Variants in KIF1B observed in about 807,000 individuals in gnomAD.
KIF1B encodes kinesin family member 1B.
In KIF1B, 76 loss-of-function variants were observed where a neutral mutation model predicts 241.9. The ratio of observed to expected loss-of-function variants is 0.31; its 90% CI spans 0.26 to 0.38. The LOEUF (loss-of-function observed/expected upper bound fraction) is 0.38. KIF1B is among the 10% of genes least tolerant of loss of function. KIF1B has a pLI of 1.00. For synonymous variants in KIF1B, 750 were observed against 796.7 expected (o/e 0.94, Z 0.99); for missense variants, 1,622 against 2,271.4 (o/e 0.71, Z 5.81).
At chr1:10,246,313 T>A (rs1647211079) in intron 2 of KIF1B, among the ~76,000 whole-genome samples, 1 of 152,204 alleles carries the variant, frequency 6.6e-6, no homozygotes, top group Admixed American at 6.5e-5. Context: ...TCAGTAAGTC[T>A]TGCCATCTTT....
chr1:10,240,308 A>T (rs947728653), intron 2 of KIF1B, among the ~76,000 whole-genome samples: 1 of 151,684 alleles, frequency 6.6e-6, no homozygotes, highest in South Asian at 2.1e-4. Flanking sequence ...TCCCAGGTTC[A>T]AGTGATTCTC....
At position 10,326,270 on chromosome 1, in the gene KIF1B, T is replaced by C. The variant is rs1460355481; in HGVS notation, c.2835T>C (p.Ser945=). The change falls in exon 27 of 49, where the codon TCT becomes TCC. Residue 945 remains serine, a synonymous_variant. Transcript: ENST00000676179. This position sits in a 1 kb window ranked among gnomAD's most constrained non-coding sequence, Gnocchi z 5.2. ...DDEAFVDDAG[S]DAGTEEGSDL... ...AGGCATTCGTGGATGACGCCGGCTC[T>C]GACGCAGGGACGGAGGAGGGATCAG... 1 of 1,614,092 alleles carries C rather than the reference T, an allele frequency of 6.2e-7. No individual in the cohort carries two copies. The highest frequency in any genetic ancestry group is 1.3e-5 in the African/African-American group (1 of 74,928).
chr1:10,222,703 T>C (rs1646860487), intron 1 of KIF1B, among the ~76,000 whole-genome samples: 1 of 152,196 alleles, frequency 6.6e-6, no homozygotes, highest in African/African-American at 2.4e-5. Context: ...TTCAAATGAA[T>C]TAGACCTAAA....
Position 10,365,327 on chromosome 1 carries a change from T to G in KIF1B, c.4512+82T>G. The G allele has an allele frequency of 6.2e-7, 1 of 1,613,766 alleles. No homozygotes were observed. Among genetic ancestry groups the G allele is most frequent in the Non-Finnish European group, 8.5e-7 (1 of 1,179,732 alleles). On this transcript the variant is annotated intron_variant, in intron 42 of 48. Coordinates refer to ENST00000676179, the MANE Select transcript of KIF1B (RefSeq NM_001365951.3). This position sits in a 1 kb window ranked among gnomAD's most constrained non-coding sequence, Gnocchi z 4.0. ...ATCAGTCTTCCTCCCCGCTGCTGCA[T>G]GTGATCATAGCTTTTCACTTTTCTC...
chr1:10,373,558 G>A (rs981858952), intron 45 of KIF1B, among the ~76,000 whole-genome samples: 8 of 148,734 alleles, frequency 5.4e-5, no homozygotes, highest in African/African-American at 1.8e-4. Context: ...AAAAAAAAAA[G>A]AATGAAGTAT....
At chr1:10,313,368 A>G (rs1651150210) in intron 22 of KIF1B, among the ~76,000 whole-genome samples, 1 of 150,864 alleles carries the variant, frequency 6.6e-6, no homozygotes, top group African/African-American at 2.5e-5. Context: ...CGCCTAGCCT[A>G]GTACCATCTT....
At chr1:10,301,276 G>A (rs541921809) in intron 22 of KIF1B, among the ~76,000 whole-genome samples, 15 of 152,150 alleles carry the variant, frequency 9.9e-5, no homozygotes, top group Non-Finnish European at 1.8e-4. Flanking sequence ...ATAAAAGATT[G>A]ACTGTTAGTA....
chr1:10,370,795 T>C (rs1189921746), intron 44 of KIF1B, among the ~76,000 whole-genome samples: 1 of 151,976 alleles, frequency 6.6e-6, no homozygotes, highest in East Asian at 1.9e-4. Context: ...TTGTTTTTTT[T>C]CTTTTTTGAA....
intron 2 of KIF1B, among the ~76,000 whole-genome samples, chr1:10,247,542 T>A (rs1049183967): frequency 6.6e-6 from 1 of 152,226 alleles, no homozygotes; most frequent in Non-Finnish European, 1.5e-5. Flanking sequence ...ATGGTAGACA[T>A]GCAAGTATTT....
intron 22 of KIF1B, among the ~76,000 whole-genome samples, chr1:10,300,944 A>G (rs145038816): frequency 0.019 from 2,851 of 152,330 alleles, 40 homozygotes; most frequent in Non-Finnish European, 0.028. Flanking sequence ...TAGAAATAAT[A>G]CAAATCAGTG....
chr1:10,356,133 C>T (rs901539943), intron 38 of KIF1B, among the ~76,000 whole-genome samples: 1 of 152,012 alleles, frequency 6.6e-6, no homozygotes, highest in Non-Finnish European at 1.5e-5. Flanking sequence ...TTTGGGAGGC[C>T]AAGGCGGGTG....
chr1:10,224,202 C>T (rs545681959), intron 1 of KIF1B, among the ~76,000 whole-genome samples: 6 of 151,908 alleles, frequency 3.9e-5, no homozygotes, highest in South Asian at 4.2e-4. Flanking sequence ...CTGCAACCTC[C>T]GCCTCCCGGG....
intron 4 of KIF1B, among the ~76,000 whole-genome samples, chr1:10,261,288 T>A (rs992457396): frequency 2.0e-5 from 3 of 149,030 alleles, no homozygotes; most frequent in Admixed American, 6.7e-5. Context: ...TTTTTTTTTT[T>A]AGACAGAGTT....
intron 2 of KIF1B, among the ~76,000 whole-genome samples, chr1:10,233,985 A>T (rs1196159932): frequency 6.6e-6 from 1 of 151,860 alleles, no homozygotes; most frequent in Non-Finnish European, 1.5e-5. Context: ...AATATTACAT[A>T]TTTTACTTAT....
In KIF1B at chr1:10,324,089, T is replaced by G. The variant is rs184797150; in HGVS notation, c.2537+27T>G. 323 of 1,611,096 alleles carry G rather than the reference T, an allele frequency of 2.0e-4. 2 individuals are homozygous for G. The East Asian group carries it at 6.6e-3, about 33-fold the overall frequency. ...TATGAAAACATTCATAAAGGCTGGT[T>G]GTTTTATTTAGGAAATAACAATGAC... is the stretch of plus-strand genomic sequence containing the variant. On this transcript the variant is annotated intron_variant, in intron 25 of 48. Coordinates refer to ENST00000676179, the MANE Select transcript of KIF1B (RefSeq NM_001365951.3).
chr1:10,218,505 TC>T (rs1646798379), intron 1 of KIF1B, among the ~76,000 whole-genome samples: 1 of 151,892 alleles, frequency 6.6e-6, no homozygotes, highest in Non-Finnish European at 1.5e-5. Flanking sequence ...ACTGCAACCT[TC>T]ATCTCCCGGG....
rs1345549312 is a variant in KIF1B, at chr1:10,378,449, T to A, written c.*1862T>A. 1 of 717,788 alleles carries A rather than the reference T, an allele frequency of 1.4e-6. No individual in the cohort carries two copies. The allele number at this position is 717,788 out of a possible 1,614,324, so 44.5% of individuals were successfully genotyped here. On this transcript the variant is annotated 3_prime_UTR_variant, in exon 49 of 49. Transcript: ENST00000676179. Reference sequence around the variant, plus strand: ...AAAAGAAAGCCTCCAGTGACTTCAGTTGCTTTGCCAGTTGTCTTGGGATTG... The same window carrying A: ...AAAAGAAAGCCTCCAGTGACTTCAGATGCTTTGCCAGTTGTCTTGGGATTG...
chr1:10,364,420 GTCTCGAACTCCTGACC>G (rs1431711377), intron 41 of KIF1B, among the ~76,000 whole-genome samples: 7 of 151,928 alleles, frequency 4.6e-5, no homozygotes, highest in African/African-American at 1.7e-4. Context: ...GGCCAGGCTG[GTCTCGAACTCCTGACC>G]TCAGATGATA....
At chr1:10,297,288 C>T in intron 22 of KIF1B, 42 bp downstream of exon 22, 1 of 1,558,858 alleles carries the variant, frequency 6.4e-7, no homozygotes, top group South Asian at 1.1e-5. Context: ...AAAAGGGCAG[C>T]TTGTTCCCAT....
Sources: gnomAD v4.1 joint callset for allele counts (sites outside exome capture counted in the v4.1 genomes callset) on GRCh38, gnomAD v4.1.1 for gene constraint, Gnocchi (gnomAD v3.1) non-coding constraint, MANE v1.5 for transcripts, NCBI Gene and HGNC (gene_info 2026-07-23, HGNC 2026-07-21) for gene names.